THRB: variants seen among roughly 807,000 people sequenced by gnomAD.
THRB encodes the protein thyroid hormone receptor beta.
A neutral mutation model predicts 47.8 loss-of-function variants in THRB; 12 were observed. That is an observed-to-expected ratio of 0.25 (90% CI 0.16 to 0.41). THRB has a LOEUF of 0.41. THRB is among the 10% of genes least tolerant of loss of function. The pLI is 1.00. For missense variants in THRB, 348 were observed against 589.2 expected, an observed-to-expected ratio of 0.59 and a Z score of 4.24; for synonymous variants, 218 against 212.2, an observed-to-expected ratio of 1.03 and a Z score of -0.24.
At chr3:24,344,197 T>C (rs1233370770) in intron 1 of THRB, among the ~76,000 whole-genome samples, 1 of 152,020 alleles carries the variant, frequency 6.6e-6, no homozygotes, top group Non-Finnish European at 1.5e-5. Context: ...TGAGCAACTA[T>C]ATTGTTTGGT....
At chr3:24,236,043 C>A (rs1432643577) in intron 3 of THRB, among the ~76,000 whole-genome samples, 1 of 152,174 alleles carries the variant, frequency 6.6e-6, no homozygotes, top group Admixed American at 6.5e-5. Context: ...ATGCAAATGG[C>A]TGTCCCCCTA....
chr3:24,302,862 A>C (rs2057048150), intron 2 of THRB, among the ~76,000 whole-genome samples: 1 of 152,202 alleles, frequency 6.6e-6, no homozygotes, highest in Admixed American at 6.5e-5. Flanking sequence ...ATGAATGCTT[A>C]TTATTCAGTG....
intron 2 of THRB, among the ~76,000 whole-genome samples, chr3:24,333,274 T>C (rs1241060824): frequency 3.3e-5 from 5 of 152,156 alleles, no homozygotes; most frequent in African/African-American, 1.2e-4. Context: ...TTCTCATGAA[T>C]AACTGGAATC....
chr3:24,301,314 T>G (rs965695373), intron 2 of THRB, among the ~76,000 whole-genome samples: 2 of 152,204 alleles, frequency 1.3e-5, no homozygotes, highest in South Asian at 2.1e-4. Flanking sequence ...TACCATAAAC[T>G]TTTGTGTTTG....
intron 1 of THRB, among the ~76,000 whole-genome samples, chr3:24,412,851 TG>T (rs770338341): frequency 2.4e-4 from 36 of 151,862 alleles, no homozygotes; most frequent in Non-Finnish European, 5.0e-4. Flanking sequence ...AATAGATAAT[TG>T]GTCAGAGGAC....
intron 1 of THRB, among the ~76,000 whole-genome samples, chr3:24,433,684 G>C (rs1018013879): frequency 3.5e-4 from 53 of 152,206 alleles, no homozygotes; most frequent in African/African-American, 1.1e-3. Context: ...GGGTTTTGTG[G>C]GGATCAAATG....
chr3:24,281,468 C>T (rs1305549408), intron 3 of THRB, among the ~76,000 whole-genome samples: 1 of 151,936 alleles, frequency 6.6e-6, no homozygotes, highest in Non-Finnish European at 1.5e-5. Flanking sequence ...TGGTACCAGC[C>T]GCTGCAAAAT....
At chr3:24,194,409 T>C (rs1575761305) in intron 4 of THRB, among the ~76,000 whole-genome samples, 1 of 152,354 alleles carries the variant, frequency 6.6e-6, no homozygotes, top group East Asian at 1.9e-4. Context: ...ATATAAATTA[T>C]GAACCGTTTA....
chr3:24,421,923 C>T (rs1203363749), intron 1 of THRB, among the ~76,000 whole-genome samples: 1 of 151,932 alleles, frequency 6.6e-6, no homozygotes, highest in African/African-American at 2.4e-5. Context: ...GTTTCCAAGA[C>T]ATTTAGTGAT....
At chr3:24,204,485 C>G (rs1380523271) in intron 4 of THRB, among the ~76,000 whole-genome samples, 1 of 152,200 alleles carries the variant, frequency 6.6e-6, no homozygotes, top group African/African-American at 2.4e-5. Context: ...AGGACATCCA[C>G]ACCAAAAGCC....
At position 24,418,367 on chromosome 3, in the gene THRB, C is replaced by G. The variant is rs528847954; in HGVS notation, c.-261+76285G>C. Among the ~76,000 whole-genome samples the G allele has an allele frequency of 9.4e-4, 142 of 151,466 alleles. 3 individuals are homozygous for G. Among genetic ancestry groups the G allele is most frequent in the Middle Eastern group, 6.8e-3 (2 of 294 alleles). On this transcript the variant is annotated intron_variant, in intron 1 of 10. Transcript: ENST00000646209. ...TCCTTAAGCTTGGTTTATCTAGGTC[C>G]CAAGTTTTGTTTATGTAGACCTCCA...
chr3:24,316,454 C>A (rs970338275), intron 2 of THRB, among the ~76,000 whole-genome samples: 2 of 151,844 alleles, frequency 1.3e-5, no homozygotes, highest in African/African-American at 2.4e-5. Context: ...ACCCTCTCCC[C>A]CTTTTTTCTT....
chr3:24,260,405 G>C (rs1307848863), intron 3 of THRB, among the ~76,000 whole-genome samples: 1 of 152,160 alleles, frequency 6.6e-6, no homozygotes, highest in Non-Finnish European at 1.5e-5. Flanking sequence ...ATTTTGGACT[G>C]CAAGAATAAA....
intron 6 of THRB, among the ~76,000 whole-genome samples, 194 bp downstream of exon 6, chr3:24,152,196 T>A (rs550444445): frequency 6.6e-6 from 1 of 152,348 alleles, no homozygotes; most frequent in East Asian, 1.9e-4. Flanking sequence ...TAGTTATTTA[T>A]GATTTGGGAA....
chr3:24,176,086 C>CTTAAT (rs1372777711), intron 5 of THRB, among the ~76,000 whole-genome samples: 2 of 152,028 alleles, frequency 1.3e-5, no homozygotes, highest in African/African-American at 4.8e-5. Flanking sequence ...CAAAGATGTG[C>CTTAAT]TTAATTTAAT....
At chr3:24,277,209 A>G (rs2054012441) in intron 3 of THRB, among the ~76,000 whole-genome samples, 1 of 152,166 alleles carries the variant, frequency 6.6e-6, no homozygotes, top group Non-Finnish European at 1.5e-5. Context: ...CCCAGGGTTC[A>G]TCTGGCAATG....
intron 1 of THRB, among the ~76,000 whole-genome samples, chr3:24,407,989 C>A (rs114227577): frequency 3.4e-3 from 517 of 151,818 alleles, no homozygotes; most frequent in African/African-American, 0.012. Context: ...AAAGTTATGC[C>A]TTTTCATATG....
chr3:24,162,686 CAA>C (rs368706028), intron 5 of THRB, among the ~76,000 whole-genome samples: 5 of 120,624 alleles, frequency 4.1e-5, no homozygotes, highest in African/African-American at 5.8e-5. Context: ...GCTATGAATG[CAA>C]AAAAAAAAAA....
intron 2 of THRB, among the ~76,000 whole-genome samples, chr3:24,299,053 C>A (rs2056690692): frequency 6.6e-6 from 1 of 151,804 alleles, no homozygotes; most frequent in Non-Finnish European, 1.5e-5. Context: ...CGAGACCATC[C>A]TGGCTAACAC....
Sources: gnomAD v4.1 joint callset for allele counts (sites outside exome capture counted in the v4.1 genomes callset) on GRCh38, gnomAD v4.1.1 for gene constraint, MANE v1.5 for transcripts, NCBI Gene and HGNC (gene_info 2026-07-23, HGNC 2026-07-21) for gene names.